Variants in KSR2 observed in about 807,000 individuals in gnomAD.
The protein encoded by KSR2 is kinase suppressor of ras 2.
In KSR2, 25 loss-of-function variants were observed where a neutral mutation model predicts 107.8. The observed-to-expected ratio is 0.23, with a 90% CI of 0.17 to 0.32. KSR2 has a LOEUF of 0.32. KSR2 is among the 10% of genes least tolerant of loss of function. KSR2 has a pLI of 1.00. For missense variants in KSR2, 887 were observed against 1,268.9 expected, an observed-to-expected ratio of 0.70 and a Z score of 4.57; for synonymous variants, 480 against 507.0, an observed-to-expected ratio of 0.95 and a Z score of 0.71.
intron 7 of KSR2, 57 bp from the exon 8 acceptor site, chr12:117,558,630 G>A: frequency 7.6e-7 from 1 of 1,318,160 alleles, no homozygotes; most frequent in Non-Finnish European, 1.1e-6. Context: ...TGAGCGGGTA[G>A]GTGGGTGGGT....
rs767315536 is a variant in KSR2 at position 117,531,701 on chromosome 12, T to G, written c.1694A>C (p.His565Pro). The G allele has an allele frequency of 6.3e-7, 1 of 1,598,976 alleles. No homozygotes were observed. Among genetic ancestry groups the G allele is most frequent in the African/African-American group, 1.4e-5 (1 of 73,832 alleles). Residue 565 changes from histidine to proline, a missense_variant, in exon 11 of 20, where the codon CAC becomes CCC. By Grantham distance (77) the His-to-Pro change is moderately conservative. Around this residue, in one of 8 missense-constraint regions of KSR2, gnomAD observed 50 missense variants for 43.4 expected, o/e 1.15. Transcript: ENST00000339824. Reference protein sequence around the residue: ...QQKNFNLPASHYYKYKQQFIF... With the variant: ...QQKNFNLPASPYYKYKQQFIF... ...GAACTGCTGCTTGTATTTGTAGTAG[T>G]GGGATGCTTGCAAAAGAAAGAAAAC...
chr12:117,496,189 G>A (rs1245491044), intron 14 of KSR2, among the ~76,000 whole-genome samples: 1 of 152,196 alleles, frequency 6.6e-6, no homozygotes, highest in African/African-American at 2.4e-5. Context: ...GGGCATCTGG[G>A]TGACCTTCTG....
At chr12:117,935,818 A>T (rs75910535) in intron 1 of KSR2, among the ~76,000 whole-genome samples, 2,268 of 152,236 alleles carry the variant, frequency 0.015, 68 homozygotes, top group African/African-American at 0.053. Flanking sequence ...CTCTGGTCAC[A>T]CAAGCTTCCT....
chr12:117,965,396 A>G (rs1896756604), intron 1 of KSR2, among the ~76,000 whole-genome samples: 1 of 152,236 alleles, frequency 6.6e-6, no homozygotes, highest in South Asian at 2.1e-4. Context: ...CATGCAGCTG[A>G]ACACATGCCT....
chr12:117,821,149 A>G (rs1891548624), intron 3 of KSR2, among the ~76,000 whole-genome samples: 1 of 152,208 alleles, frequency 6.6e-6, no homozygotes, highest in Non-Finnish European at 1.5e-5. Flanking sequence ...TGCCTATAAG[A>G]CACTTAGCAC....
intron 7 of KSR2, among the ~76,000 whole-genome samples, chr12:117,562,527 A>AC (rs1209820036): frequency 6.6e-6 from 1 of 151,614 alleles, no homozygotes; most frequent in Non-Finnish European, 1.5e-5. Flanking sequence ...TCTCTAATAA[A>AC]CCCAGCTGGA....
chr12:117,639,887 C>T (rs1294661593), intron 5 of KSR2, among the ~76,000 whole-genome samples: 2 of 152,056 alleles, frequency 1.3e-5, no homozygotes, highest in East Asian at 1.9e-4. Context: ...TAGGAACCTT[C>T]TCCACCACCT....
At chr12:117,948,583 A>G (rs1378151905) in intron 1 of KSR2, among the ~76,000 whole-genome samples, 2 of 152,196 alleles carry the variant, frequency 1.3e-5, no homozygotes, top group Admixed American at 1.3e-4. Flanking sequence ...GACAGGATAG[A>G]GTCCAGAAGT....
At chr12:117,742,167 A>T (rs1194811385) in intron 4 of KSR2, among the ~76,000 whole-genome samples, 3 of 152,226 alleles carry the variant, frequency 2.0e-5, no homozygotes, top group Non-Finnish European at 4.4e-5. Flanking sequence ...AACAAGTTGA[A>T]AGATAGCCTA....
intron 4 of KSR2, among the ~76,000 whole-genome samples, chr12:117,750,099 A>C (rs879477059): frequency 6.6e-6 from 1 of 152,052 alleles, no homozygotes; most frequent in Non-Finnish European, 1.5e-5. Flanking sequence ...AATACAAAAA[A>C]ATTAGCCAGA....
chr12:117,877,006 G>T (rs898957361), intron 1 of KSR2, among the ~76,000 whole-genome samples: 2 of 152,064 alleles, frequency 1.3e-5, no homozygotes, highest in Non-Finnish European at 2.9e-5. Context: ...TTTTTAGTGT[G>T]TTGCATTAAA....
intron 4 of KSR2, among the ~76,000 whole-genome samples, chr12:117,734,738 A>G (rs943807617): frequency 1.2e-4 from 18 of 150,842 alleles, no homozygotes; most frequent in African/African-American, 3.9e-4. Context: ...GGACGCATGC[A>G]TGCATGCATG....
intron 7 of KSR2, among the ~76,000 whole-genome samples, chr12:117,572,131 G>A (rs1410936236): frequency 2.0e-5 from 3 of 152,118 alleles, no homozygotes; most frequent in East Asian, 1.9e-4. Context: ...GGCCTTTAAC[G>A]TCCCAGTCCA....
chr12:117,831,290 C>T (rs1356074033), intron 3 of KSR2, among the ~76,000 whole-genome samples: 1 of 152,198 alleles, frequency 6.6e-6, no homozygotes, highest in African/African-American at 2.4e-5. Flanking sequence ...CAATTTCTTT[C>T]CCTCGAGGAG....
intron 5 of KSR2, among the ~76,000 whole-genome samples, chr12:117,588,561 C>T (rs948673966): frequency 3.9e-5 from 6 of 152,070 alleles, no homozygotes; most frequent in Admixed American, 1.3e-4. Context: ...ATGAATGGAC[C>T]GATAGTCAAG....
At chr12:117,722,965 G>C (rs1383323162) in intron 4 of KSR2, among the ~76,000 whole-genome samples, 1 of 152,190 alleles carries the variant, frequency 6.6e-6, no homozygotes, top group African/African-American at 2.4e-5. Context: ...ATGGCTGCAA[G>C]GGAAAGCCTG....
intron 4 of KSR2, among the ~76,000 whole-genome samples, chr12:117,740,114 T>C (rs11068666): frequency 0.53 from 79,199 of 148,494 alleles, 21,428 homozygotes; most frequent in Middle Eastern, 0.58. Context: ...AAAAGTTCAT[T>C]GTATCATTCT....
intron 3 of KSR2, among the ~76,000 whole-genome samples, chr12:117,768,301 C>T (rs1433567069): frequency 6.6e-6 from 1 of 152,176 alleles, no homozygotes; most frequent in African/African-American, 2.4e-5. Context: ...CTGATCATAC[C>T]AGGGGAGGGG....
chr12:117,660,142 C>T (rs1460697413), intron 5 of KSR2, among the ~76,000 whole-genome samples: 1 of 152,152 alleles, frequency 6.6e-6, no homozygotes, highest in Non-Finnish European at 1.5e-5. Flanking sequence ...TATTGACTTG[C>T]CATGATTATA....
Sources: gnomAD v4.1 joint callset for allele counts (sites outside exome capture counted in the v4.1 genomes callset) on GRCh38, gnomAD v4.1.1 for gene constraint, gnomAD v4.1.1 regional missense constraint, MANE v1.5 for transcripts, NCBI Gene and HGNC (gene_info 2026-07-23, HGNC 2026-07-21) for gene names.